ATP2C2: variants seen among roughly 807,000 people sequenced by gnomAD.
ATP2C2 encodes ATPase secretory pathway Ca2+ transporting 2.
A neutral mutation model predicts 110.8 loss-of-function variants in ATP2C2; 171 were observed. The observed-to-expected ratio is 1.54, with a 90% CI of 1.36 to 1.75. The LOEUF (loss-of-function observed/expected upper bound fraction) is 1.75. ATP2C2 is among the 40% of genes most tolerant of loss of function. ATP2C2 has a pLI of 0.00. For synonymous variants in ATP2C2, 804 were observed against 508.4 expected, an observed-to-expected ratio of 1.58 and a Z score of -7.82; for missense variants, 1,963 against 1,235.0, an observed-to-expected ratio of 1.59 and a Z score of -8.84.
chr16:84,439,065 C>A, intron 11 of ATP2C2, 101 bp from the exon 12 acceptor site: 1 of 1,528,114 alleles, frequency 6.5e-7, no homozygotes, highest in Non-Finnish European at 8.9e-7. Context: ...ACTGGGGACA[C>A]CTAAGACAAG....
Position 84,368,738 on chromosome 16 carries a change from G to A in ATP2C2, c.99+24G>A, listed in dbSNP as rs768321768. 5.4e-6 allele frequency: 8 copies of A among 1,489,460 alleles called. No individual in the cohort carries two copies. In the African/African-American group the frequency reaches 5.9e-5, roughly 11 times the overall value. 92.3% of individuals were successfully genotyped at this position (1,489,460 alleles called of 1,614,324 possible). On this transcript the variant is annotated intron_variant, in intron 1 of 26. Coordinates refer to ENST00000262429, the MANE Select transcript of ATP2C2 (RefSeq NM_014861.4). ...TGGTGAGTCCCCGCGACTCCGCGCC[G>A]GGCGTGCGACCCGACCCCCCATCCC...
At chr16:84,382,483 G>T (rs1322903178) in intron 1 of ATP2C2, among the ~76,000 whole-genome samples, 1 of 152,080 alleles carries the variant, frequency 6.6e-6, no homozygotes, top group Admixed American at 6.6e-5. Context: ...CCTGCCTTTT[G>T]CCATCTCTCA....
chr16:84,461,887 A>T, intron 25 of ATP2C2, 75 bp downstream of exon 25: 1 of 1,607,576 alleles, frequency 6.2e-7, no homozygotes, highest in South Asian at 1.1e-5. Context: ...CCCTGCCCGC[A>T]GCATTGAGCG....
In ATP2C2 at chr16:84,459,767, CACAG is replaced by C. The variant is rs547043521; in HGVS notation, c.2333+385_2333+388del. ...ATTTTTCCCTAGAGAGGAAGATACA[CACAG>C]ACACACTTTTCCTTATGGATCTGAT... On this transcript the variant is annotated intron_variant, in intron 23 of 26. Coordinates refer to ENST00000262429, the MANE Select transcript of ATP2C2 (RefSeq NM_014861.4). 403 of 587,480 alleles carry C rather than the reference CACAG, an allele frequency of 6.9e-4. 3 individuals are homozygous for C. In the South Asian group the frequency reaches 7.7e-3, roughly 11 times the overall value. 36.4% of individuals were successfully genotyped at this position (587,480 alleles called of 1,614,324 possible). A position where few individuals can be genotyped will look rare whatever the true frequency, so the allele number is the denominator to read the frequency against.
At chr16:84,463,455 G>C (rs1459535173) in intron 26 of ATP2C2, among the ~76,000 whole-genome samples, 159 bp from the exon 27 acceptor site, 1 of 152,152 alleles carries the variant, frequency 6.6e-6, no homozygotes, top group Non-Finnish European at 1.5e-5. Flanking sequence ...CAGCATTTTG[G>C]ATTCTGGGTT....
Position 84,454,918 on chromosome 16 carries a change from C to G in ATP2C2, c.2081C>G (p.Thr694Arg), listed in dbSNP as rs750455150. The G allele has an allele frequency of 1.2e-6, 2 of 1,614,040 alleles. No homozygotes were observed. Among genetic ancestry groups the G allele is most frequent in the East Asian group, 2.2e-5 (1 of 44,868 alleles). ...SADIGIAMGQ[T>R]GTDVSKEAAN... ...GACATTGGGATCGCCATGGGGCAGA[C>G]AGGGACGGACGTCAGCAAAGAGGCC... Residue 694 changes from threonine to arginine, a missense_variant, in exon 21 of 27, where the codon ACA becomes AGA. Coordinates refer to ENST00000262429, the MANE Select transcript of ATP2C2 (RefSeq NM_014861.4).
intron 11 of ATP2C2, among the ~76,000 whole-genome samples, chr16:84,435,577 G>A (rs1000053155): frequency 9.2e-5 from 14 of 152,202 alleles, no homozygotes; most frequent in African/African-American, 3.4e-4. Context: ...TGTAATCCCA[G>A]CACTTGGGAA....
chr16:84,453,367 T>G lies in ATP2C2; in HGVS notation c.1976T>G (p.Ile659Ser), dbSNP rs368080268. The G allele has an allele frequency of 6.2e-7, 1 of 1,613,974 alleles. No homozygotes were observed. Among genetic ancestry groups the G allele is most frequent in the East Asian group, 2.2e-5 (1 of 44,888 alleles). The change falls in exon 20 of 27, where the codon ATC becomes AGC. Residue 659 changes from isoleucine (I) to serine (S), a missense_variant. Physicochemically the swap from Ile to Ser is moderately radical, Grantham distance 142. Coordinates refer to ENST00000262429, the MANE Select transcript of ATP2C2 (RefSeq NM_014861.4). The stretch of plus-strand genomic sequence containing the variant: ...AGCCCAAAGCACAAGCTCAAAATCA[T>G]CAAGGTTCGCTGGGCAAGGCAGGCA... ...RTSPKHKLKI[I>S]KALQESGAIV...
intron 1 of ATP2C2, among the ~76,000 whole-genome samples, chr16:84,396,523 C>G (rs1369274502): frequency 6.9e-6 from 1 of 145,066 alleles, no homozygotes; most frequent in Non-Finnish European, 1.5e-5. Flanking sequence ...GCACTCCAGC[C>G]TGGGTGACAG....
At chr16:84,432,385 T>C (rs899205582) in intron 11 of ATP2C2, among the ~76,000 whole-genome samples, 1 of 152,000 alleles carries the variant, frequency 6.6e-6, no homozygotes, top group African/African-American at 2.4e-5. Context: ...GTCATCTAGG[T>C]TTTAAGCCCC....
chr16:84,459,566 A>G (rs1437887674), intron 23 of ATP2C2, 180 bp downstream of exon 23: 5 of 1,536,952 alleles, frequency 3.3e-6, no homozygotes, highest in Non-Finnish European at 4.4e-6. Context: ...AAGGCAGAGG[A>G]GAAAGTACCT....
At chr16:84,385,087 G>A (rs982935014) in intron 1 of ATP2C2, among the ~76,000 whole-genome samples, 3 of 151,228 alleles carry the variant, frequency 2.0e-5, no homozygotes, top group Admixed American at 6.5e-5. Context: ...ACCTGAGACT[G>A]TGTGATTTAT....
rs1405518343 is a variant in ATP2C2 at position 84,392,754 on chromosome 16, C to T, written c.100-5745C>T. ...CTGGGATTACGGGCGTGAGCCACTG[C>T]GCCCGGCCCATTCTTGTGTTTTTGT... is the stretch of plus-strand genomic sequence containing the variant. On this transcript the variant is annotated intron_variant, in intron 1 of 26. Coordinates refer to ENST00000262429, the MANE Select transcript of ATP2C2 (RefSeq NM_014861.4). Among the ~76,000 whole-genome samples the T allele has an allele frequency of 3.9e-5, 6 of 152,318 alleles. No individual in the cohort carries two copies. In the South Asian group the frequency reaches 8.3e-4, roughly 21 times the overall value.
rs188490157 is a variant in ATP2C2 at position 84,432,628 on chromosome 16, C to T, written c.987-6538C>T. ...CTCCATCTCCTGGGTTCAAACTATT[C>T]TCCTGCCTCAGCCTCCCAAGTAGCT... On this transcript the variant is annotated intron_variant, in intron 11 of 26. Coordinates refer to ENST00000262429, the MANE Select transcript of ATP2C2 (RefSeq NM_014861.4). Among the ~76,000 whole-genome samples the T allele has an allele frequency of 6.8e-3, 1,038 of 152,230 alleles. 7 individuals carry two copies. The highest frequency in any genetic ancestry group is 0.011 in the Non-Finnish European group (761 of 68,012).
chr16:84,368,626 G>A lies in ATP2C2; in HGVS notation c.11G>A (p.Gly4Glu). The A allele has an allele frequency of 6.4e-7, 1 of 1,560,114 alleles. No homozygotes were observed. The highest frequency in any genetic ancestry group is 1.9e-5 in the Admixed American group (1 of 53,660). Residue 4 changes from glycine (G) to glutamate (E), a missense_variant, in exon 1 of 27, where the codon GGA becomes GAA. Physicochemically the swap from Gly to Glu is moderately conservative, Grantham distance 98. Coordinates refer to ENST00000262429, the MANE Select transcript of ATP2C2 (RefSeq NM_014861.4). MVE[G>E]RVSEFLKKLG... ...CTGCGCCCGCTCACCATGGTCGAGGGACGCGTCTCCGAGTTCCTGAAGAAA... is the reference window on the plus strand; with the variant it reads ...CTGCGCCCGCTCACCATGGTCGAGGAACGCGTCTCCGAGTTCCTGAAGAAA...
At chr16:84,425,046 C>A (rs1380640295) in intron 10 of ATP2C2, among the ~76,000 whole-genome samples, 1 of 152,156 alleles carries the variant, frequency 6.6e-6, no homozygotes, top group Non-Finnish European at 1.5e-5. Flanking sequence ...ATGCCCAAAA[C>A]AAAACTAACA....
At chr16:84,450,863 C>G (rs375193622) in intron 17 of ATP2C2, among the ~76,000 whole-genome samples, 1 of 152,004 alleles carries the variant, frequency 6.6e-6, no homozygotes, top group Non-Finnish European at 1.5e-5. Flanking sequence ...CTGGAGATGA[C>G]AAGATGAGTT....
intron 11 of ATP2C2, among the ~76,000 whole-genome samples, chr16:84,432,147 G>A: frequency 6.6e-6 from 1 of 152,178 alleles, no homozygotes; most frequent in East Asian, 1.9e-4. Context: ...TTCGGGAACA[G>A]GTGGTGTTTC....
At chr16:84,390,587 TAG>T (rs1050659522) in intron 1 of ATP2C2, among the ~76,000 whole-genome samples, 4 of 152,064 alleles carry the variant, frequency 2.6e-5, no homozygotes, top group African/African-American at 9.7e-5. Context: ...GTGACGTCCA[TAG>T]AGACAGGAAG....
Sources: gnomAD v4.1 joint callset for allele counts (sites outside exome capture counted in the v4.1 genomes callset) on GRCh38, gnomAD v4.1.1 for gene constraint, MANE v1.5 for transcripts, NCBI Gene and HGNC (gene_info 2026-07-23, HGNC 2026-07-21) for gene names.